BBS2: variants seen among roughly 807,000 people sequenced by gnomAD.
BBS2 encodes Bardet-Biedl syndrome 2, also known as BBSome complex member BBS2.
Under a neutral mutation model 83.0 loss-of-function variants are expected in BBS2, and 62 were observed. The observed-to-expected ratio is 0.75, with a 90% CI of 0.61 to 0.92. The LOEUF (loss-of-function observed/expected upper bound fraction) is 0.92, where lower values mean the gene tolerates loss of function less well. BBS2 is among the 40% of genes least tolerant of loss of function. The probability of loss-of-function intolerance (pLI) is 0.00; values close to 1 mark genes in which losing one functional copy is unlikely to be tolerated. For missense variants in BBS2, 784 were observed against 901.0 expected, an observed-to-expected ratio of 0.87 and a Z score of 1.66; for synonymous variants, 303 against 326.1, an observed-to-expected ratio of 0.93 and a Z score of 0.76.
At chr16:56,497,421 GT>G in intron 14 of BBS2, 3 of 489,436 alleles carry the variant, frequency 6.1e-6, no homozygotes, top group Non-Finnish European at 7.4e-6. Flanking sequence ...TTGAATTTGG[GT>G]TTTTGGAAAG....
At chr16:56,497,676 C>G (rs757994199) in intron 14 of BBS2, 67 bp downstream of exon 14, 1 of 1,587,834 alleles carries the variant, frequency 6.3e-7, no homozygotes, top group Non-Finnish European at 8.6e-7. Flanking sequence ...ATTTGTAGTA[C>G]CATTAATCTC....
At chr16:56,471,468 A>G (rs558279833) in intron 17 of BBS2, among the ~76,000 whole-genome samples, 1 of 152,340 alleles carries the variant, frequency 6.6e-6, no homozygotes, top group South Asian at 2.1e-4. Context: ...TGAATATAAC[A>G]GCCTAAGAAT....
In BBS2 at chr16:56,506,214, G is replaced by T; in HGVS notation, c.623C>A (p.Ser208Tyr). The change falls in exon 6 of 17, where the codon TCT becomes TAT. Residue 208 changes from serine to tyrosine, a missense_variant. By Grantham distance (144) the Ser-to-Tyr change is moderately radical. Coordinates refer to ENST00000245157, the MANE Select transcript of BBS2 (RefSeq NM_031885.5). The stretch of plus-strand genomic sequence containing the variant: ...TCGACTGCCATACATGGGACAAAGA[G>T]AGGTGACTATCTGCAAAACAATCCA... ...AEMTETEIVT[S>Y]LCPMYGSRFG... 3 of 1,613,420 alleles carry T rather than the reference G, an allele frequency of 1.9e-6. No homozygotes were observed. Among genetic ancestry groups the T allele is most frequent in the Non-Finnish European group, 2.5e-6 (3 of 1,179,470 alleles).
chr16:56,472,341 A>G (rs575841316), intron 17 of BBS2, among the ~76,000 whole-genome samples: 7 of 152,304 alleles, frequency 4.6e-5, no homozygotes, highest in African/African-American at 1.7e-4. Context: ...TAAAATCTAT[A>G]TGGGCAGCCA....
rs1347302523 is a variant in BBS2 at position 56,499,916 on chromosome 16, A to T, written c.1398-9T>A. ...ATACATGAAACTGGGTGCTATGGCCAATCAATGAAACACAAGAGAATTGTT... is the reference window on the plus strand; with the variant it reads ...ATACATGAAACTGGGTGCTATGGCCTATCAATGAAACACAAGAGAATTGTT... On this transcript the variant is annotated splice_polypyrimidine_tract_variant and intron_variant, in intron 11 of 16. Transcript: ENST00000245157. 1 of 1,613,830 alleles carries T rather than the reference A, an allele frequency of 6.2e-7. No homozygotes were observed. Among genetic ancestry groups the T allele is most frequent in the African/African-American group, 1.3e-5 (1 of 74,892 alleles).
intron 17 of BBS2, among the ~76,000 whole-genome samples, chr16:56,471,765 A>G (rs1455269343): frequency 6.6e-6 from 1 of 152,242 alleles, no homozygotes; most frequent in East Asian, 1.9e-4. Flanking sequence ...TGGCCACTGC[A>G]GATATTTAGT....
At chr16:56,494,843 T>C (rs552788103) in intron 15 of BBS2, among the ~76,000 whole-genome samples, 40 of 151,894 alleles carry the variant, frequency 2.6e-4, no homozygotes, top group African/African-American at 7.0e-4. Context: ...GCGCCTGTAG[T>C]CCCAGCTACT....
At chr16:56,478,712 A>G (rs541936615) in intron 17 of BBS2, 1 of 152,298 alleles carries the variant, frequency 6.6e-6, no homozygotes, top group East Asian at 1.9e-4. Context: ...ACAAGTGTTA[A>G]AATGTGCTTT....
chr16:56,502,800 A>G lies in BBS2; in HGVS notation c.813T>C (p.Ala271=). 6.2e-7 allele frequency: 1 copy of G among 1,614,218 alleles called. No homozygotes were observed. The highest frequency in any genetic ancestry group is 8.5e-7 in the Non-Finnish European group (1 of 1,180,052). ...ITGWSNGKVD[A]RSDRTGEVIF... is the part of the protein sequence containing the mutation. ...TGACCTCCCCAGTTCGGTCACTTCG[A>G]GCATCAACCTACAAATAAAACACAA... The change falls in exon 8 of 17, where the codon GCT becomes GCC. Residue 271 remains alanine (A), a synonymous_variant. Coordinates refer to ENST00000245157, the MANE Select transcript of BBS2 (RefSeq NM_031885.5).
intron 13 of BBS2, 131 bp from the exon 14 acceptor site, chr16:56,498,011 G>A: frequency 1.0e-6 from 1 of 993,928 alleles, no homozygotes; most frequent in Non-Finnish European, 1.5e-6. Context: ...GTTGAAAAAG[G>A]AAAGTTTAGC....
intron 17 of BBS2, chr16:56,476,354 T>TC: frequency 1.6e-6 from 1 of 624,714 alleles, no homozygotes. Context: ...CTCATAATGA[T>TC]TGTCCTCAAC....
chr16:56,509,901 G>T, intron 5 of BBS2, 56 bp downstream of exon 5: 6 of 1,571,880 alleles, frequency 3.8e-6, no homozygotes, highest in South Asian at 2.2e-5. Context: ...TGTTTCATCT[G>T]ACAGTACTGA....
rs557939641 is a variant in BBS2, at chr16:56,473,173, G to A, written c.*1-2478C>T. Among the ~76,000 whole-genome samples the A allele has an allele frequency of 1.1e-3, 172 of 151,996 alleles. 1 individual carries two copies. Among genetic ancestry groups the A allele is most frequent in the African/African-American group, 4.0e-3 (167 of 41,426 alleles). ...TCTCCATCTCTTGACCTCATGATCC[G>A]CCCACCCTGGCCTCCCAAAGTGCTG... On this transcript the variant is annotated intron_variant, in intron 17 of 17. Transcript: ENST00000682047.
rs200491384 is a variant in BBS2 at position 56,514,622 on chromosome 16, T to C, written c.176A>G (p.Gln59Arg). 2.5e-6 allele frequency: 4 copies of C among 1,614,174 alleles called. No individual in the cohort carries two copies. Among genetic ancestry groups the C allele is most frequent in the African/African-American group, 1.3e-5 (1 of 75,066 alleles). The part of the protein sequence containing the change: ...NQHVSASRVF[Q>R]SPLESDVSLL... ...AGAAACATCAGATTCCAGGGGGCTC[T>C]GGAAGACCCTGGATGCACTGACATG... Residue 59 changes from glutamine to arginine, a missense_variant, in exon 2 of 17, where the codon CAG becomes CGG. Physicochemically the swap from Gln to Arg is conservative, Grantham distance 43. Coordinates refer to ENST00000245157, the MANE Select transcript of BBS2 (RefSeq NM_031885.5).
chr16:56,474,971 C>T lies in BBS2; in HGVS notation c.*1-4276G>A, dbSNP rs759175403. The T allele has an allele frequency of 3.4e-5, 55 of 1,611,324 alleles. No homozygotes were observed. The Admixed American group carries it at 5.0e-4, about 15-fold the overall frequency. ...TGAAGGTAAGAGGGAGGAAAGCAAGCGGTGGATTATTCCCCGTAGGAGGGG... is the reference window on the plus strand; with the variant it reads ...TGAAGGTAAGAGGGAGGAAAGCAAGTGGTGGATTATTCCCCGTAGGAGGGG... On this transcript the variant is annotated intron_variant, in intron 17 of 17. Coordinates refer to the BBS2 transcript ENST00000682047.
At chr16:56,518,791 G>C (rs757821008) in intron 1 of BBS2, among the ~76,000 whole-genome samples, 11 of 152,202 alleles carry the variant, frequency 7.2e-5, no homozygotes, top group Admixed American at 2.0e-4. Context: ...TGAAAGTAGG[G>C]ACTCCTTTTA....
intron 11 of BBS2, chr16:56,500,155 G>A (rs562836710): frequency 4.5e-6 from 2 of 446,728 alleles, no homozygotes; most frequent in Admixed American, 3.5e-5. Flanking sequence ...TAAAGGGGAT[G>A]TAAAAAGTAT....
In BBS2 at chr16:56,497,485, C is replaced by T. The variant is rs74758598; in HGVS notation, c.1797+258G>A. The T allele has an allele frequency of 9.2e-5, 50 of 543,794 alleles. No individual in the cohort carries two copies. In the East Asian group the frequency reaches 1.6e-3, roughly 18 times the overall value. The allele number at this position is 543,794 out of a possible 1,614,324, so 33.7% of individuals were successfully genotyped here. On this transcript the variant is annotated intron_variant, in intron 14 of 16. Coordinates refer to ENST00000245157, the MANE Select transcript of BBS2 (RefSeq NM_031885.5). The stretch of plus-strand genomic sequence containing the variant: ...TACTACAAATAAGATGAAGAGCTAA[C>T]AAAGGAAAATGTTAATATTTAAATG...
At chr16:56,519,685 C>A (rs1964862663) in intron 1 of BBS2, 61 bp downstream of exon 1, 1 of 1,392,520 alleles carries the variant, frequency 7.2e-7, no homozygotes, top group Non-Finnish European at 1.0e-6. Context: ...CCCAGGGGCG[C>A]GGCCGGCGGA....
Sources: allele counts gnomAD v4.1 joint callset (sites outside exome capture counted in the v4.1 genomes callset), GRCh38; gene constraint gnomAD v4.1.1; transcripts MANE v1.5; gene names NCBI Gene and HGNC (gene_info 2026-07-23, HGNC 2026-07-21).